Variants in TACC2 observed in about 807,000 individuals in gnomAD.
The protein encoded by TACC2 is transforming acidic coiled-coil-containing protein 2.
In TACC2, 137 loss-of-function variants were observed where a neutral mutation model predicts 227.3. The ratio of observed to expected loss-of-function variants is 0.60; its 90% CI spans 0.52 to 0.69. The LOEUF (loss-of-function observed/expected upper bound fraction) is 0.69, where lower values mean the gene tolerates loss of function less well. Among genes scored for constraint, TACC2 ranks in the 30% least tolerant of loss-of-function variants. TACC2 has a pLI of 0.00. For synonymous variants in TACC2, 1,523 were observed against 1,487.5 expected, an observed-to-expected ratio of 1.02 and a Z score of -0.55; for missense variants, 3,470 against 3,694.4, an observed-to-expected ratio of 0.94 and a Z score of 1.57.
chr10:122,178,587 G>C (rs2093838577), intron 7 of TACC2, among the ~76,000 whole-genome samples: 1 of 151,146 alleles, frequency 6.6e-6, no homozygotes, highest in South Asian at 2.2e-4. Flanking sequence ...GCTGAGTTAA[G>C]AAAACAGGAT....
At chr10:122,019,190 T>G (rs1565082010) in intron 1 of TACC2, among the ~76,000 whole-genome samples, 1 of 152,218 alleles carries the variant, frequency 6.6e-6, no homozygotes, top group East Asian at 1.9e-4. Flanking sequence ...CAAGTCTGCC[T>G]ATCAGCGATC....
chr10:122,251,536 A>G (rs1328204153), intron 22 of TACC2, among the ~76,000 whole-genome samples: 3 of 152,146 alleles, frequency 2.0e-5, no homozygotes, highest in African/African-American at 4.8e-5. Context: ...TTTCATTAAA[A>G]TAAAGATCAT....
intron 5 of TACC2, among the ~76,000 whole-genome samples, chr10:122,121,240 G>C (rs1019825891): frequency 7.2e-5 from 11 of 152,216 alleles, no homozygotes; most frequent in Non-Finnish European, 7.3e-5. Flanking sequence ...ACATCCTGTA[G>C]TGTTTGTCTT....
intron 5 of TACC2, among the ~76,000 whole-genome samples, chr10:122,132,066 A>AAGAAAGAAAG (rs1555059146): frequency 0.13 from 7,377 of 58,290 alleles, 402 homozygotes; most frequent in Admixed American, 0.22. Flanking sequence ...GAAAGAAAGA[A>AAGAAAGAAAG]AAAGAAAGAA....
At chr10:122,167,899 T>C (rs755841524) in intron 7 of TACC2, among the ~76,000 whole-genome samples, 3 of 152,164 alleles carry the variant, frequency 2.0e-5, no homozygotes, top group Non-Finnish European at 4.4e-5. Flanking sequence ...TTCTTTCTTT[T>C]TTTTTGAGAC....
chr10:122,225,396 C>A (rs1406699207), intron 12 of TACC2, among the ~76,000 whole-genome samples: 1 of 152,236 alleles, frequency 6.6e-6, no homozygotes, highest in Non-Finnish European at 1.5e-5. Context: ...GGGGTTACTG[C>A]TTCCAAACTG....
At chr10:122,245,236 G>A (rs1297528835) in intron 19 of TACC2, among the ~76,000 whole-genome samples, 1 of 152,216 alleles carries the variant, frequency 6.6e-6, no homozygotes, top group Non-Finnish European at 1.5e-5. Flanking sequence ...CAGGAGCATT[G>A]TTTTGTTGTT....
At chr10:122,139,636 AC>A (rs1320239187) in intron 6 of TACC2, among the ~76,000 whole-genome samples, 1 of 151,952 alleles carries the variant, frequency 6.6e-6, no homozygotes, top group East Asian at 1.9e-4. Context: ...TTTGCATCTC[AC>A]CTTCAGCATG....
chr10:122,111,737 G>A (rs2083654411), intron 5 of TACC2, among the ~76,000 whole-genome samples: 1 of 151,380 alleles, frequency 6.6e-6, no homozygotes, highest in African/African-American at 2.4e-5. Flanking sequence ...CTCGTGATCT[G>A]TCCACCTCGG....
chr10:122,058,936 A>G (rs1402956635), intron 3 of TACC2, among the ~76,000 whole-genome samples: 1 of 145,792 alleles, frequency 6.9e-6, no homozygotes, highest in Non-Finnish European at 1.5e-5. Context: ...TTTGGTGTCC[A>G]TGATGGAGTG....
intron 2 of TACC2, chr10:122,033,285 C>T: frequency 2.2e-6 from 1 of 460,520 alleles, no homozygotes; most frequent in South Asian, 1.8e-5. Flanking sequence ...TCCATTGCTT[C>T]TTCCATCCAC....
At chr10:122,228,259 G>C (rs899277703) in intron 14 of TACC2, among the ~76,000 whole-genome samples, 5 of 152,202 alleles carry the variant, frequency 3.3e-5, no homozygotes, top group Admixed American at 3.3e-4. Context: ...GGGTTATTTA[G>C]TTTCCATTTT....
chr10:122,011,490 C>A (rs1313542137), intron 1 of TACC2, among the ~76,000 whole-genome samples: 2 of 151,968 alleles, frequency 1.3e-5, no homozygotes, highest in African/African-American at 4.8e-5. Flanking sequence ...CCACCACGCC[C>A]AGCTAATTTT....
At chr10:122,010,449 G>T (rs1162470624) in intron 1 of TACC2, among the ~76,000 whole-genome samples, 1 of 152,028 alleles carries the variant, frequency 6.6e-6, no homozygotes, top group Non-Finnish European at 1.5e-5. Context: ...TCAAATATCT[G>T]GTTTAGCAGG....
At chr10:122,023,533 C>A (rs2245880) in intron 2 of TACC2, 89,803 of 151,724 alleles carry the variant, frequency 0.59, 26,968 homozygotes, top group East Asian at 0.68. Flanking sequence ...TTCTGAGCAA[C>A]CTATCGCAAG....
chr10:122,252,438 A>G (rs925906250), intron 22 of TACC2, among the ~76,000 whole-genome samples: 2 of 151,384 alleles, frequency 1.3e-5, no homozygotes, highest in Admixed American at 6.6e-5. Flanking sequence ...AAGATGGAAG[A>G]TCACCGTTAG....
At position 122,032,994 on chromosome 10, in the gene TACC2, A is replaced by T. The variant is rs142496257; in HGVS notation, c.33+10980A>T. 162 of 671,730 alleles carry T rather than the reference A, an allele frequency of 2.4e-4. 2 individuals are homozygous for T. Among genetic ancestry groups the T allele is most frequent in the Non-Finnish European group, 3.0e-4 (138 of 452,486 alleles). 41.6% of individuals were successfully genotyped at this position (671,730 alleles called of 1,614,324 possible). On this transcript the variant is annotated intron_variant, in intron 2 of 22. Transcript: ENST00000369005. ...ACAAAACAACAACAACAACAACAAC[A>T]ACAACAAAAACAAAAAAACCCCACA...
chr10:122,103,671 T>G (rs1051847424), intron 5 of TACC2, among the ~76,000 whole-genome samples: 2 of 152,234 alleles, frequency 1.3e-5, no homozygotes, highest in African/African-American at 4.8e-5. Context: ...GTTTGAATTC[T>G]TGGTGTTTGA....
At chr10:122,132,776 C>G in intron 6 of TACC2, 42 bp downstream of exon 6, 1 of 1,607,692 alleles carries the variant, frequency 6.2e-7, no homozygotes, top group Non-Finnish European at 8.5e-7. Context: ...ACCTCAGGGC[C>G]CAATCCTTGA....
Sources: gnomAD v4.1 joint callset for allele counts (sites outside exome capture counted in the v4.1 genomes callset) on GRCh38, gnomAD v4.1.1 for gene constraint, MANE v1.5 for transcripts, NCBI Gene and HGNC (gene_info 2026-07-23, HGNC 2026-07-21) for gene names.